LACTB: variants seen among roughly 807,000 people sequenced by gnomAD.
The protein encoded by LACTB is serine beta-lactamase-like protein LACTB, mitochondrial.
Under a neutral mutation model 50.2 loss-of-function variants are expected in LACTB, and 35 were observed. The observed-to-expected ratio is 0.70, with a 90% CI of 0.53 to 0.92. LACTB has a LOEUF of 0.92. Ranked by LOEUF, LACTB falls within the 40% of genes least tolerant of loss-of-function variation. The pLI is 0.00. For synonymous variants in LACTB, 252 were observed against 268.2 expected, an observed-to-expected ratio of 0.94 and a Z score of 0.59; for missense variants, 664 against 691.8, an observed-to-expected ratio of 0.96 and a Z score of 0.45.
In LACTB at chr15:63,141,687, A is replaced by G; in HGVS notation, c.1526A>G (p.Asn509Ser). ...LPEELDTETI[N>S]NKVPPRGIIV... is the part of the protein sequence containing the mutation. ...GAAGAACTGGATACAGAGACTATAAATAACAAGGTTCCCCCAAGAGGAATC... is the reference window on the plus strand; with the variant it reads ...GAAGAACTGGATACAGAGACTATAAGTAACAAGGTTCCCCCAAGAGGAATC... The change falls in exon 6 of 6, where the codon AAT becomes AGT. Residue 509 changes from asparagine to serine, a missense_variant. Transcript: ENST00000261893. 1 of 1,614,204 alleles carries G rather than the reference A, an allele frequency of 6.2e-7. No individual in the cohort carries two copies. Among genetic ancestry groups the G allele is most frequent in the South Asian group, 1.1e-5 (1 of 91,084 alleles).
chr15:63,137,312 A>T (rs1479855930), intron 5 of LACTB, among the ~76,000 whole-genome samples: 1 of 152,212 alleles, frequency 6.6e-6, no homozygotes. Flanking sequence ...TGATAGGGGA[A>T]TCCTCAGTCA....
chr15:63,123,004 C>G (rs965481662), intron 2 of LACTB, among the ~76,000 whole-genome samples: 2 of 152,078 alleles, frequency 1.3e-5, no homozygotes, highest in Non-Finnish European at 2.9e-5. Context: ...ATTCCAAGAC[C>G]CTCAGTGGAT....
intron 1 of LACTB, 49 bp downstream of exon 1, chr15:63,122,277 T>G (rs1230882855): frequency 5.6e-6 from 8 of 1,439,978 alleles, no homozygotes; most frequent in Non-Finnish European, 1.8e-6. Flanking sequence ...TCCACCCCTG[T>G]CGGCGGTGCT....
intron 5 of LACTB, among the ~76,000 whole-genome samples, chr15:63,132,700 A>G (rs1262627661): frequency 6.6e-6 from 1 of 152,168 alleles, no homozygotes; most frequent in Non-Finnish European, 1.5e-5. Context: ...GTGTACCTGT[A>G]GTCCTGACTA....
chr15:63,136,931 C>T (rs2037183421), intron 5 of LACTB, among the ~76,000 whole-genome samples: 1 of 152,046 alleles, frequency 6.6e-6, no homozygotes, highest in Non-Finnish European at 1.5e-5. Flanking sequence ...TTCTTTATCA[C>T]TTCTCTGTGT....
At position 63,122,195 on chromosome 15, in the gene LACTB, C is replaced by G. The variant is rs1400065234; in HGVS notation, c.324C>G (p.Ile108Met). The change falls in exon 1 of 6, where the codon ATC (isoleucine) becomes ATG (methionine). Residue 108 changes from isoleucine to methionine, a missense_variant. Coordinates refer to ENST00000261893, the MANE Select transcript of LACTB (RefSeq NM_032857.5). ...PPCSRCFARA[I>M]ESSRDLLHRI... Reference sequence around the variant, plus strand: ...GCTCCAGGTGCTTCGCCAGAGCCATCGAGAGCAGCCGCGACCTGCTGCACA... The same window carrying G: ...GCTCCAGGTGCTTCGCCAGAGCCATGGAGAGCAGCCGCGACCTGCTGCACA... 1.1e-5 allele frequency: 17 copies of G among 1,544,280 alleles called. No individual in the cohort carries two copies. In the East Asian group the frequency reaches 3.9e-4, roughly 35 times the overall value.
chr15:63,127,308 T>C (rs1163462967), intron 3 of LACTB, 45 bp from the exon 4 acceptor site: 2 of 1,389,256 alleles, frequency 1.4e-6, no homozygotes, highest in Non-Finnish European at 2.0e-6. Context: ...ACTTTCTATT[T>C]TTCAGGTTAA....
At position 63,121,911 on chromosome 15, in the gene LACTB, GC is replaced by G. The variant is rs1566988176; in HGVS notation, c.45del (p.Gly17AlafsTer38). The G allele has an allele frequency of 9.2e-6, 13 of 1,418,156 alleles. No homozygotes were observed. The highest frequency in any genetic ancestry group is 2.8e-5 in the Admixed American group (1 of 36,346). The allele number at this position is 1,418,156 out of a possible 1,614,324, so 87.8% of individuals were successfully genotyped here. A position where few individuals can be genotyped will look rare whatever the true frequency, so the allele number is the denominator to read the frequency against. ...LMSAVTARAA[A>X]PGGLASSCGR... The stretch of plus-strand genomic sequence containing the variant: ...GTCAGCAGTGACTGCCCGGGCTGCC[GC>G]CCCCGGGGGCTTGGCCTCAAGCTGC... On this transcript the variant is annotated frameshift_variant, in exon 1 of 6. Coordinates refer to ENST00000261893, the MANE Select transcript of LACTB (RefSeq NM_032857.5). LOFTEE classifies it high-confidence loss of function.
At chr15:63,134,453 T>C (rs2037158114) in intron 5 of LACTB, among the ~76,000 whole-genome samples, 1 of 152,160 alleles carries the variant, frequency 6.6e-6, no homozygotes, top group Non-Finnish European at 1.5e-5. Context: ...TTACTGCTCC[T>C]CTCTCCACAG....
intron 5 of LACTB, 81 bp from the exon 6 acceptor site, chr15:63,141,199 C>A: frequency 6.8e-7 from 1 of 1,478,902 alleles, no homozygotes; most frequent in East Asian, 2.4e-5. Flanking sequence ...TACAATCTCT[C>A]TCATGTATAC....
intron 2 of LACTB, among the ~76,000 whole-genome samples, chr15:63,123,967 A>G (rs933937529): frequency 1.3e-5 from 2 of 152,112 alleles, no homozygotes; most frequent in African/African-American, 4.8e-5. Flanking sequence ...GAGGTGGAGG[A>G]GCAGAGTCTT....
At chr15:63,122,296 C>A in intron 1 of LACTB, 68 bp downstream of exon 1, 1 of 1,324,022 alleles carries the variant, frequency 7.6e-7, no homozygotes, top group Non-Finnish European at 1.0e-6. Flanking sequence ...CTGTCGGGGG[C>A]TGAGTGGACC....
intron 2 of LACTB, among the ~76,000 whole-genome samples, chr15:63,125,381 T>C (rs2037038313): frequency 6.6e-6 from 1 of 151,972 alleles, no homozygotes; most frequent in East Asian, 1.9e-4. Context: ...TTGGTCAGGC[T>C]GGTCTCGAAC....
chr15:63,137,685 ATG>A (rs2037190053), intron 5 of LACTB, among the ~76,000 whole-genome samples: 1 of 152,152 alleles, frequency 6.6e-6, no homozygotes, highest in African/African-American at 2.4e-5. Flanking sequence ...CATAATCACC[ATG>A]TTGTATTCTC....
chr15:63,123,416 G>C (rs1346826692), intron 2 of LACTB, among the ~76,000 whole-genome samples: 1 of 152,158 alleles, frequency 6.6e-6, no homozygotes, highest in Non-Finnish European at 1.5e-5. Context: ...TAAGTACTGG[G>C]GTTATACACT....
intron 5 of LACTB, chr15:63,130,325 T>G (rs1022271881): frequency 6.6e-6 from 1 of 152,122 alleles, no homozygotes; most frequent in African/African-American, 2.4e-5. Context: ...GCCAATGTGG[T>G]GAAATCAACC....
Position 63,122,029 on chromosome 15 carries a change from G to C in LACTB, c.158G>C (p.Gly53Ala), listed in dbSNP as rs901669698. 2 of 1,413,968 alleles carry C rather than the reference G, an allele frequency of 1.4e-6. No homozygotes were observed. Among genetic ancestry groups the C allele is most frequent in the Non-Finnish European group, 1.8e-6 (2 of 1,092,900 alleles). The allele number at this position is 1,413,968 out of a possible 1,614,324, so 87.6% of individuals were successfully genotyped here. ...GGGCTGGGGCTGGGGCTGGCGCTCG[G>C]GGTGAAGCTGGCAGGTGGGCTGAGG... ...GLGLGLGLAL[G>A]VKLAGGLRGA... Residue 53 changes from glycine to alanine, a missense_variant, in exon 1 of 6, where the codon GGG becomes GCG. Coordinates refer to ENST00000261893, the MANE Select transcript of LACTB (RefSeq NM_032857.5).
chr15:63,136,809 T>G (rs1023263450), intron 5 of LACTB, among the ~76,000 whole-genome samples: 4 of 152,210 alleles, frequency 2.6e-5, no homozygotes, highest in Non-Finnish European at 5.9e-5. Context: ...AAAAAATGTT[T>G]CCAGCTTCGT....
intron 2 of LACTB, among the ~76,000 whole-genome samples, chr15:63,125,538 TATG>T (rs1276132769): frequency 6.6e-6 from 1 of 152,244 alleles, no homozygotes; most frequent in Non-Finnish European, 1.5e-5. Context: ...ATACCTAATT[TATG>T]ATAAGTCTTG....
Sources: allele counts gnomAD v4.1 joint callset (sites outside exome capture counted in the v4.1 genomes callset), GRCh38; gene constraint gnomAD v4.1.1; transcripts MANE v1.5; gene names NCBI Gene and HGNC (gene_info 2026-07-23, HGNC 2026-07-21).